The following LYPD6 variants were observed in gnomAD, a reference collection of about 807,000 sequenced individuals.
LYPD6 encodes LY6/PLAUR domain containing 6.
Under a neutral mutation model 22.7 loss-of-function variants are expected in LYPD6, and 15 were observed. That is an observed-to-expected ratio of 0.66 (90% CI 0.44 to 1.02). LYPD6 has a LOEUF of 1.02. Among genes scored for constraint, LYPD6 ranks in the 50% least tolerant of loss-of-function variants. The pLI is 0.00. For synonymous variants in LYPD6, 72 were observed against 77.5 expected, an observed-to-expected ratio of 0.93 and a Z score of 0.37; for missense variants, 189 against 208.4, an observed-to-expected ratio of 0.91 and a Z score of 0.57.
chr2:149,386,824 C>T (rs766106895), intron 1 of LYPD6, among the ~76,000 whole-genome samples: 7 of 152,162 alleles, frequency 4.6e-5, no homozygotes, highest in Non-Finnish European at 7.3e-5. Context: ...GTGGGCCTTA[C>T]CTTCACTACC....
chr2:149,383,077 A>G (rs1022578464), intron 1 of LYPD6, among the ~76,000 whole-genome samples: 3 of 152,194 alleles, frequency 2.0e-5, no homozygotes, highest in African/African-American at 7.2e-5. Context: ...CATAAAATTT[A>G]CAATTTTAAC....
chr2:149,377,209 T>G (rs1334852576), intron 1 of LYPD6, among the ~76,000 whole-genome samples: 2 of 151,796 alleles, frequency 1.3e-5, no homozygotes, highest in Admixed American at 6.6e-5. Context: ...TTCCTTTTTT[T>G]TTTTTCTTGG....
chr2:149,413,061 C>T (rs1008092806), intron 1 of LYPD6, among the ~76,000 whole-genome samples: 6 of 152,130 alleles, frequency 3.9e-5, no homozygotes, highest in Admixed American at 2.6e-4. Flanking sequence ...CCAAAACTCT[C>T]CCAGGGCTTG....
chr2:149,384,246 G>T (rs1226687404), intron 1 of LYPD6, among the ~76,000 whole-genome samples: 2 of 152,140 alleles, frequency 1.3e-5, no homozygotes, highest in East Asian at 3.8e-4. Flanking sequence ...TATATATAGG[G>T]TTCAGTCGTA....
chr2:149,359,201 C>G (rs1681523395), intron 1 of LYPD6, among the ~76,000 whole-genome samples: 1 of 151,296 alleles, frequency 6.6e-6, no homozygotes, highest in South Asian at 2.1e-4. Context: ...CATGACTGCA[C>G]ATCTTTGATT....
intron 1 of LYPD6, among the ~76,000 whole-genome samples, chr2:149,428,704 G>A (rs1247065895): frequency 1.1e-4 from 16 of 152,232 alleles, no homozygotes; most frequent in Non-Finnish European, 2.9e-5. Flanking sequence ...CACATGATTG[G>A]TGTTAGCAGA....
intron 1 of LYPD6, among the ~76,000 whole-genome samples, chr2:149,404,946 G>A (rs1469047910): frequency 1.3e-5 from 2 of 152,090 alleles, no homozygotes; most frequent in South Asian, 2.1e-4. Context: ...AGCATGAAGC[G>A]TTGTTGAATT....
At chr2:149,463,640 T>C (rs1196065890) in intron 3 of LYPD6, among the ~76,000 whole-genome samples, 1 of 152,204 alleles carries the variant, frequency 6.6e-6, no homozygotes. Flanking sequence ...CTGGATGTCC[T>C]TTCAATGGCT....
intron 1 of LYPD6, among the ~76,000 whole-genome samples, chr2:149,354,051 C>T (rs1681406999): frequency 6.6e-6 from 1 of 152,136 alleles, no homozygotes. Context: ...AAGATACAAA[C>T]AGAAGATCCT....
intron 1 of LYPD6, among the ~76,000 whole-genome samples, chr2:149,418,161 G>A (rs1009077563): frequency 6.6e-6 from 1 of 152,202 alleles, no homozygotes. Context: ...AAGGCATCAA[G>A]AGAGATCCTC....
intron 1 of LYPD6, among the ~76,000 whole-genome samples, chr2:149,424,006 T>G (rs1377743123): frequency 6.6e-6 from 1 of 152,176 alleles, no homozygotes; most frequent in Non-Finnish European, 1.5e-5. Context: ...ACTCAAAGAC[T>G]TGAAGATTTC....
In LYPD6 at chr2:149,472,829, A is replaced by G. The variant is rs1681373311; in HGVS notation, c.*1979A>G. On this transcript the variant is annotated 3_prime_UTR_variant, in exon 5 of 5. Coordinates refer to ENST00000334166, the MANE Select transcript of LYPD6 (RefSeq NM_194317.5). The stretch of plus-strand genomic sequence containing the variant: ...TTCCTTCAGATTTAGGTTATGTGGG[A>G]TGATGTGGGATTGAAGAGGAAAGAA... 1 of 152,592 alleles carries G rather than the reference A, an allele frequency of 6.6e-6. No individual in the cohort carries two copies. Among genetic ancestry groups the G allele is most frequent in the Non-Finnish European group, 1.5e-5 (1 of 68,018 alleles). 9.5% of individuals were successfully genotyped at this position (152,592 alleles called of 1,614,324 possible). A position where few individuals can be genotyped will look rare whatever the true frequency, so the allele number is the denominator to read the frequency against.
downstream of LYPD6, among the ~76,000 whole-genome samples, chr2:149,475,899 G>A (rs1235773590): frequency 7.2e-5 from 11 of 152,278 alleles, no homozygotes; most frequent in African/African-American, 2.6e-4. Context: ...TTTGATCCCT[G>A]ATCCAGGATT....
At chr2:149,359,700 T>C (rs1402737559) in intron 1 of LYPD6, among the ~76,000 whole-genome samples, 2 of 152,166 alleles carry the variant, frequency 1.3e-5, no homozygotes, top group Non-Finnish European at 2.9e-5. Context: ...GTTTTTTCTT[T>C]TTCTTAGAGT....
chr2:149,460,579 C>T (rs973849627), intron 3 of LYPD6, among the ~76,000 whole-genome samples: 1 of 152,110 alleles, frequency 6.6e-6, no homozygotes, highest in East Asian at 1.9e-4. Context: ...GATAGAACTA[C>T]AGAAAGAAAA....
At chr2:149,379,871 G>C (rs1682020192) in intron 1 of LYPD6, among the ~76,000 whole-genome samples, 1 of 152,126 alleles carries the variant, frequency 6.6e-6, no homozygotes, top group Non-Finnish European at 1.5e-5. Context: ...TCAATCTGCA[G>C]CATGGGTGAA....
chr2:149,446,482 T>G (rs1683690865), intron 2 of LYPD6, among the ~76,000 whole-genome samples: 1 of 152,240 alleles, frequency 6.6e-6, no homozygotes, highest in Non-Finnish European at 1.5e-5. Flanking sequence ...ATGTAACCCA[T>G]TTTTCTATAG....
intron 1 of LYPD6, among the ~76,000 whole-genome samples, chr2:149,398,431 G>A (rs923983322): frequency 1.6e-4 from 24 of 151,844 alleles, no homozygotes; most frequent in Non-Finnish European, 3.5e-4. Flanking sequence ...GTGTGTGTGT[G>A]TGTGTGTGTG....
At chr2:149,468,214 C>G (rs1199198838) in intron 3 of LYPD6, among the ~76,000 whole-genome samples, 2 of 148,680 alleles carry the variant, frequency 1.3e-5, no homozygotes, top group South Asian at 2.1e-4. Context: ...TGTTTTATCT[C>G]CTTGAGGACT....
Sources: gnomAD v4.1 joint callset for allele counts (sites outside exome capture counted in the v4.1 genomes callset) on GRCh38, gnomAD v4.1.1 for gene constraint, MANE v1.5 for transcripts, NCBI Gene and HGNC (gene_info 2026-07-23, HGNC 2026-07-21) for gene names.